The following SOX6 variants were observed in gnomAD, a reference collection of about 807,000 sequenced individuals.
SOX6 encodes transcription factor SOX-6.
A neutral mutation model predicts 97.8 loss-of-function variants in SOX6; 11 were observed. The observed-to-expected ratio is 0.11, with a 90% confidence interval of 0.07 to 0.19. SOX6 has a LOEUF of 0.19. SOX6 is among the 10% of genes least tolerant of loss of function. The pLI, the probability that SOX6 is intolerant of heterozygous loss-of-function variation, is 1.00. For missense variants in SOX6, 810 were observed against 1,039.5 expected, an observed-to-expected ratio of 0.78 and a Z score of 3.04; for synonymous variants, 360 against 371.4, an observed-to-expected ratio of 0.97 and a Z score of 0.35.
At chr11:16,106,588 T>C (rs1475094205) in intron 7 of SOX6, among the ~76,000 whole-genome samples, 4 of 151,758 alleles carry the variant, frequency 2.6e-5, no homozygotes, top group African/African-American at 4.8e-5. Context: ...TATACAAAAA[T>C]CAACTCAAAT....
At chr11:15,978,823 T>C (rs1774155416) in intron 15 of SOX6, among the ~76,000 whole-genome samples, 1 of 135,966 alleles carries the variant, frequency 7.4e-6, no homozygotes, top group South Asian at 2.2e-4. Context: ...AATATAGATA[T>C]TATATATAAC....
At chr11:16,354,252 G>A (rs977116120) in intron 1 of SOX6, among the ~76,000 whole-genome samples, 1 of 151,936 alleles carries the variant, frequency 6.6e-6, no homozygotes, top group Non-Finnish European at 1.5e-5. Context: ...CCTGGTATTT[G>A]GTAGTTATGA....
At chr11:16,056,667 A>G (rs1847823113) in intron 9 of SOX6, among the ~76,000 whole-genome samples, 1 of 152,192 alleles carries the variant, frequency 6.6e-6, no homozygotes, top group East Asian at 1.9e-4. Context: ...TTGCTGTTTC[A>G]AGGCCTTTTC....
rs148158228 is a variant in SOX6, at chr11:16,686,655, C to T, written n.429+28175G>A. On this transcript the variant is annotated intron_variant and non_coding_transcript_variant, in intron 3 of 5. Coordinates refer to the SOX6 transcript ENST00000524520. Reference sequence around the variant, plus strand: ...TGGTCTCTAAGAAGTTATAAACTTTCCCTCATTTTCCTGTCTTCTGTCCCT... The same window carrying T: ...TGGTCTCTAAGAAGTTATAAACTTTTCCTCATTTTCCTGTCTTCTGTCCCT... Among the ~76,000 whole-genome samples the T allele has an allele frequency of 2.2e-3, 337 of 152,300 alleles. 2 individuals are homozygous for T. Among genetic ancestry groups the T allele is most frequent in the African/African-American group, 8.0e-3 (333 of 41,568 alleles).
At position 16,141,441 on chromosome 11, in the gene SOX6, C is replaced by T. The variant is rs143729255; in HGVS notation, c.778-29518G>A. On this transcript the variant is annotated intron_variant, in intron 6 of 15. Transcript: ENST00000683767. ...AGTGTACAGCTCCCAGCATGAGCAA[C>T]GCAGAAGACGGGTGATTTCTGCATT... Among the ~76,000 whole-genome samples the T allele has an allele frequency of 1.3e-4, 20 of 152,218 alleles. 1 individual carries two copies. Among genetic ancestry groups the T allele is most frequent in the Middle Eastern group, 3.4e-3 (1 of 294 alleles).
At chr11:16,235,512 C>T (rs1852988995) in intron 3 of SOX6, among the ~76,000 whole-genome samples, 1 of 151,944 alleles carries the variant, frequency 6.6e-6, no homozygotes, top group South Asian at 2.1e-4. Context: ...TCTTTTAAGC[C>T]TCAAATCTTA....
chr11:16,531,225 C>A (rs1861231708), intron 4 of SOX6, among the ~76,000 whole-genome samples: 1 of 150,900 alleles, frequency 6.6e-6, no homozygotes, highest in African/African-American at 2.4e-5. Context: ...TTCAAGACAA[C>A]AAATCCCAGT....
At chr11:16,383,049 TA>T (rs931588715) in intron 1 of SOX6, among the ~76,000 whole-genome samples, 8 of 152,000 alleles carry the variant, frequency 5.3e-5, no homozygotes, top group Admixed American at 2.6e-4. Context: ...AGCTTCTGTG[TA>T]AGTATCTTTT....
rs1402519900 is a variant in SOX6 at position 15,968,641 on chromosome 11, C to G, written c.*4168G>C. On this transcript the variant is annotated 3_prime_UTR_variant, in exon 16 of 16. Coordinates refer to ENST00000683767, the MANE Select transcript of SOX6 (RefSeq NM_001367873.1). ...TGGCTTCAGAAGGAAAAGAAAGCAG[C>G]CTTTAATTTCAGCCCTAGAGTGATC... is the stretch of plus-strand genomic sequence containing the variant. The G allele has an allele frequency of 6.6e-6, 1 of 152,222 alleles. No homozygotes were observed. The highest frequency in any genetic ancestry group is 1.5e-5 in the Non-Finnish European group (1 of 68,062). The allele number at this position is 152,222 out of a possible 1,614,324, so 9.4% of individuals were successfully genotyped here. A position where few individuals can be genotyped will look rare whatever the true frequency, so the allele number is the denominator to read the frequency against.
At chr11:16,736,130 T>A (rs1590069780) in intron 2 of SOX6, among the ~76,000 whole-genome samples, 1 of 152,214 alleles carries the variant, frequency 6.6e-6, no homozygotes, top group African/African-American at 2.4e-5. Flanking sequence ...ATCCTTCCTA[T>A]ATTAATTCAG....
chr11:16,565,721 TAAAAAAAAAAAAAAAAAAAAAAAAA>T lies in SOX6; in HGVS notation n.609+46335_609+46359del, dbSNP rs869172397. On this transcript the variant is annotated intron_variant and non_coding_transcript_variant, in intron 4 of 5. Transcript: ENST00000524520. ...AAAAATAAAAAAATAAATAAATAAA[TAAAAAAAAAAAAAAAAAAAAAAAAA>T]AAAAAAAAAAAACTCGTCAACAGAA... 6.2e-4 allele frequency among the ~76,000 whole-genome samples: 4 copies of T among 6,450 alleles called. 1 individual carries two copies. The highest frequency in any genetic ancestry group is 2.2e-3 in the African/African-American group (4 of 1,816). 4.2% of individuals were successfully genotyped at this position (6,450 alleles called of 152,430 possible). A position where few individuals can be genotyped will look rare whatever the true frequency, so the allele number is the denominator to read the frequency against.
chr11:16,194,027 T>C (rs1565011045), intron 4 of SOX6, among the ~76,000 whole-genome samples: 2 of 152,096 alleles, frequency 1.3e-5, no homozygotes, highest in African/African-American at 2.4e-5. Flanking sequence ...TCACAAAACA[T>C]AGCAACAAAA....
chr11:16,459,721 C>T (rs571775753), intron 1 of SOX6, among the ~76,000 whole-genome samples: 7 of 151,758 alleles, frequency 4.6e-5, no homozygotes, highest in African/African-American at 1.4e-4. Flanking sequence ...TTAGACACTG[C>T]GGGACAAAAA....
At chr11:16,702,911 T>C (rs1028359286) in intron 3 of SOX6, among the ~76,000 whole-genome samples, 2 of 149,060 alleles carry the variant, frequency 1.3e-5, no homozygotes, top group Non-Finnish European at 3.0e-5. Context: ...TACATATATA[T>C]AATTATTCAT....
intron 4 of SOX6, chr11:16,484,299 A>G (rs1860394712): frequency 3.6e-6 from 4 of 1,096,620 alleles, no homozygotes; most frequent in Non-Finnish European, 5.6e-6. Context: ...GACTCATCCA[A>G]TGGGGAAAAT....
At chr11:16,684,587 G>T (rs116012721) in intron 3 of SOX6, among the ~76,000 whole-genome samples, 1 of 151,090 alleles carries the variant, frequency 6.6e-6, no homozygotes, top group Admixed American at 6.6e-5. Flanking sequence ...TTGGCGGGGT[G>T]GGGGGCTGGG....
chr11:16,418,863 T>C (rs1314485904), intron 1 of SOX6, among the ~76,000 whole-genome samples: 1 of 152,178 alleles, frequency 6.6e-6, no homozygotes, highest in Non-Finnish European at 1.5e-5. Context: ...ATATTTGTGT[T>C]GCCATGCAGC....
chr11:16,055,660 CCTG>C, intron 10 of SOX6, 89 bp downstream of exon 10: 1 of 1,507,662 alleles, frequency 6.6e-7, no homozygotes, highest in Non-Finnish European at 9.2e-7. Context: ...TGCTATGTTT[CCTG>C]CTGTTTATGC....
intron 1 of SOX6, among the ~76,000 whole-genome samples, chr11:16,453,265 A>G (rs1009859714): frequency 2.0e-5 from 3 of 152,090 alleles, no homozygotes; most frequent in Non-Finnish European, 2.9e-5. Context: ...GACTGTTATT[A>G]TTTTAGGCTA....
Sources: gnomAD v4.1 joint callset for allele counts (sites outside exome capture counted in the v4.1 genomes callset) on GRCh38, gnomAD v4.1.1 for gene constraint, MANE v1.5 for transcripts, NCBI Gene and HGNC (gene_info 2026-07-23, HGNC 2026-07-21) for gene names.